The following MPP3 variants were observed in gnomAD, a reference collection of about 807,000 sequenced individuals.
MPP3 encodes MAGUK p55 scaffold protein 3, also known as MAGUK p55 subfamily member 3.
MPP3 carries 48 observed loss-of-function variants against 80.7 expected under a neutral mutation model. That is an observed-to-expected ratio of 0.59 (90% CI 0.47 to 0.76). The LOEUF (loss-of-function observed/expected upper bound fraction) is 0.76, where lower values mean the gene tolerates loss of function less well. MPP3 is among the 30% of genes least tolerant of loss of function. The pLI is 0.00. For synonymous variants in MPP3, 311 were observed against 297.6 expected, an observed-to-expected ratio of 1.04 and a Z score of -0.46; for missense variants, 620 against 763.0, an observed-to-expected ratio of 0.81 and a Z score of 2.21.
chr17:43,800,918 C>G lies in MPP3; in HGVS notation c.*783G>C, dbSNP rs2044388780. Reference sequence around the variant, plus strand: ...TCCCAAGATCTAGCACAATGGGAACCCCTATGATCTCATGGCAGGGACTGG... The same window carrying G: ...TCCCAAGATCTAGCACAATGGGAACGCCTATGATCTCATGGCAGGGACTGG... On this transcript the variant is annotated 3_prime_UTR_variant, in exon 20 of 20. Coordinates refer to ENST00000398389, the MANE Select transcript of MPP3 (RefSeq NM_001932.6). The G allele has an allele frequency of 6.6e-6, 1 of 151,518 alleles. No individual in the cohort carries two copies. Among genetic ancestry groups the G allele is most frequent in the Non-Finnish European group, 1.5e-5 (1 of 68,014 alleles). The allele number at this position is 151,518 out of a possible 1,614,324, so 9.4% of individuals were successfully genotyped here.
intron 16 of MPP3, among the ~76,000 whole-genome samples, chr17:43,813,546 G>A (rs2044966261): frequency 6.6e-6 from 1 of 152,136 alleles, no homozygotes. Flanking sequence ...ACCCAGGAAT[G>A]TACCCAGCTA....
At chr17:43,824,125 G>C in intron 9 of MPP3, 120 bp from the exon 10 acceptor site, 1 of 644,438 alleles carries the variant, frequency 1.6e-6, no homozygotes, top group South Asian at 2.2e-5. Flanking sequence ...CCTCCCCTGA[G>C]GCCCACTCTT....
Position 43,829,736 on chromosome 17 carries a change from G to A in MPP3, c.359C>T (p.Pro120Leu), listed in dbSNP as rs2045874805. 9.9e-6 allele frequency: 16 copies of A among 1,613,952 alleles called. No homozygotes were observed. The highest frequency in any genetic ancestry group is 1.6e-4 in the Middle Eastern group (1 of 6,084). The change falls in exon 7 of 20, where the codon CCG becomes CTG. Residue 120 changes from proline to leucine, a missense_variant. Coordinates refer to ENST00000398389, the MANE Select transcript of MPP3 (RefSeq NM_001932.6). ...CTCATCGATATTGTCAGGCAGAGGC[G>A]GGAGAACGGGGTCAAAATTCTTCTG... ...VAQKNFDPVL[P>L]PLPDNIDEDF...
At chr17:43,820,782 G>A (rs1172546458) in intron 11 of MPP3, 80 bp downstream of exon 11, 2 of 1,365,208 alleles carry the variant, frequency 1.5e-6, no homozygotes, top group East Asian at 4.7e-5. Flanking sequence ...TGGCTGTGAG[G>A]GCAGAGACTT....
chr17:43,830,999 A>G (rs1230568271), intron 5 of MPP3, among the ~76,000 whole-genome samples: 1 of 152,224 alleles, frequency 6.6e-6, no homozygotes, highest in East Asian at 1.9e-4. Flanking sequence ...GCTAAAGAAC[A>G]CACAGTAAGT....
chr17:43,819,769 T>C (rs1225600755), intron 11 of MPP3, among the ~76,000 whole-genome samples: 1 of 150,076 alleles, frequency 6.7e-6, no homozygotes, highest in African/African-American at 2.5e-5. Context: ...TGCTATAATA[T>C]GGAAAATACT....
chr17:43,832,019 T>G, intron 2 of MPP3, 76 bp from the exon 3 acceptor site: 1 of 913,306 alleles, frequency 1.1e-6, no homozygotes, highest in African/African-American at 1.6e-5. Flanking sequence ...ACACATCTAC[T>G]GTGTTCTCTG....
In MPP3 at chr17:43,829,680, G is replaced by A. The variant is rs897102515; in HGVS notation, c.415C>T (p.Arg139Cys). 8.1e-6 allele frequency: 13 copies of A among 1,613,894 alleles called. No homozygotes were observed. Among genetic ancestry groups the A allele is most frequent in the East Asian group, 4.5e-5 (2 of 44,880 alleles). The change falls in exon 7 of 20, where the codon CGC becomes TGC. Residue 139 changes from arginine (R) to cysteine (C), a missense_variant. By Grantham distance (180) the Arg-to-Cys change is radical. Transcript: ENST00000398389. ...DFDEESVKIV[R>C]LVKNKEPLGA... ...AGGGGTTCCTTGTTCTTCACCAAGC[G>A]GACGATCTTCACCGATTCCTCATCA...
chr17:43,827,622 G>A, intron 8 of MPP3, 129 bp downstream of exon 8: 1 of 833,660 alleles, frequency 1.2e-6, no homozygotes, highest in Non-Finnish European at 1.9e-6. Context: ...CACAACCCCA[G>A]AAAGCAAAGC....
chr17:43,830,145 G>T (rs371769090), intron 5 of MPP3, 38 bp from the exon 6 acceptor site: 134 of 1,448,750 alleles, frequency 9.2e-5, no homozygotes, highest in Non-Finnish European at 1.2e-4. Flanking sequence ...ATGGCTAGAG[G>T]TGCCCCTGCC....
intron 16 of MPP3, among the ~76,000 whole-genome samples, chr17:43,811,820 C>T (rs1206389436): frequency 6.6e-5 from 10 of 151,866 alleles, no homozygotes; most frequent in African/African-American, 1.7e-4. Context: ...CTCGAACTCC[C>T]GACCTCAGGT....
rs180700700 is a variant in MPP3 at position 43,819,580 on chromosome 17, G to A, written c.881+1282C>T. Among the ~76,000 whole-genome samples the A allele has an allele frequency of 3.9e-5, 6 of 152,202 alleles. No homozygotes were observed. The East Asian group carries it at 5.8e-4, about 15-fold the overall frequency. ...TATATAAACTGTGTGTTTGAAGAGC[G>A]TCTGGCTTTTCCACTGAACTATAAG... On this transcript the variant is annotated intron_variant, in intron 11 of 19. Transcript: ENST00000398389.
Position 43,801,301 on chromosome 17 carries a change from A to G in MPP3, c.*400T>C, listed in dbSNP as rs1328462073. On this transcript the variant is annotated 3_prime_UTR_variant, in exon 20 of 20. Coordinates refer to ENST00000398389, the MANE Select transcript of MPP3 (RefSeq NM_001932.6). The stretch of plus-strand genomic sequence containing the variant: ...CATGTAAAATCCCCTTGGATAAAAC[A>G]AGTTAGCTTCCAAAAAAACTACTAA... The G allele has an allele frequency of 6.3e-6, 1 of 157,484 alleles. No individual in the cohort carries two copies. The highest frequency in any genetic ancestry group is 1.4e-5 in the Non-Finnish European group (1 of 71,814). 9.8% of individuals were successfully genotyped at this position (157,484 alleles called of 1,614,324 possible). A position where few individuals can be genotyped will look rare whatever the true frequency, so the allele number is the denominator to read the frequency against.
At chr17:43,807,587 T>C (rs1298297352) in intron 19 of MPP3, among the ~76,000 whole-genome samples, 2 of 152,070 alleles carry the variant, frequency 1.3e-5, no homozygotes, top group East Asian at 3.9e-4. Flanking sequence ...CCCAAAGTGC[T>C]GAGACACAGG....
At chr17:43,810,767 T>C (rs749163546) in intron 18 of MPP3, 40 bp downstream of exon 18, 1 of 1,387,218 alleles carries the variant, frequency 7.2e-7, no homozygotes, top group South Asian at 1.3e-5. Flanking sequence ...TAGTTATAAA[T>C]TCCGTTAACC....
chr17:43,816,740 G>A (rs2045159171), intron 12 of MPP3, 43 bp from the exon 13 acceptor site: 2 of 1,558,794 alleles, frequency 1.3e-6, no homozygotes, highest in Non-Finnish European at 8.7e-7. Context: ...ATTAGTGGAG[G>A]GAAGCGGGGA....
intron 11 of MPP3, among the ~76,000 whole-genome samples, chr17:43,820,603 A>ATACACACACACACACACAC (rs1264169757): frequency 6.3e-5 from 8 of 127,606 alleles, no homozygotes; most frequent in African/African-American, 2.6e-4. Flanking sequence ...AAAAAAAAAA[A>ATACACACACACACACACAC]ATACACACAC....
chr17:43,827,675 C>T lies in MPP3; in HGVS notation c.523+76G>A, dbSNP rs549114556. ...CCTGATAGGAGGGAGGTAAGGGGACCTATTAGCAAAGGTGGAGGGCTCTGG... is the reference window on the plus strand; with the variant it reads ...CCTGATAGGAGGGAGGTAAGGGGACTTATTAGCAAAGGTGGAGGGCTCTGG... On this transcript the variant is annotated intron_variant, in intron 8 of 19. Transcript: ENST00000398389. 2,207 of 1,427,050 alleles carry T rather than the reference C, an allele frequency of 1.5e-3. 4 individuals are homozygous for T. The highest frequency in any genetic ancestry group is 2.1e-3 in the Non-Finnish European group (2,123 of 1,026,740). 88.4% of individuals were successfully genotyped at this position (1,427,050 alleles called of 1,614,324 possible).
At chr17:43,818,946 A>AG (rs2045289143) in intron 11 of MPP3, 1 of 152,040 alleles carries the variant, frequency 6.6e-6, no homozygotes, top group Admixed American at 6.6e-5. Context: ...AAAAAAAAAA[A>AG]AAATGCAGCT....
Sources: allele counts gnomAD v4.1 joint callset (sites outside exome capture counted in the v4.1 genomes callset), GRCh38; gene constraint gnomAD v4.1.1; transcripts MANE v1.5; gene names NCBI Gene and HGNC (gene_info 2026-07-23, HGNC 2026-07-21).